Variants in SLC4A1AP observed in about 807,000 individuals in gnomAD.
SLC4A1AP encodes the protein kanadaptin.
Under a neutral mutation model 89.7 loss-of-function variants are expected in SLC4A1AP, and 64 were observed. The ratio of observed to expected loss-of-function variants is 0.71; its 90% confidence interval spans 0.58 to 0.88. The LOEUF (loss-of-function observed/expected upper bound fraction) is 0.88. SLC4A1AP is among the 40% of genes least tolerant of loss of function. The pLI, the probability that SLC4A1AP is intolerant of heterozygous loss-of-function variation, is 0.00. For missense variants in SLC4A1AP, 931 were observed against 965.0 expected, an observed-to-expected ratio of 0.96 and a Z score of 0.47; for synonymous variants, 366 against 353.3, an observed-to-expected ratio of 1.04 and a Z score of -0.40.
exon 12 of SLC4A1AP, chr2:27,688,759 C>T (rs1288354386): frequency 6.2e-7 from 1 of 1,602,428 alleles, no homozygotes; most frequent in African/African-American, 1.3e-5. Context: ...AACACCTGGT[C>T]CAGGCAAAGT....
Position 27,668,892 on chromosome 2 carries a change from C to G in SLC4A1AP, c.1194C>G (p.Leu398=), listed in dbSNP as rs745919590. Residue 398 remains leucine, a synonymous_variant, in exon 4 of 14, where the codon CTC becomes CTG. Transcript: ENST00000613058. ...ATGAACAGGGACATAGCACTTGGCT[C>G]TGCAGGGTGAGGTATGCTCTTTTCT... The G allele has an allele frequency of 9.6e-5, 155 of 1,613,908 alleles. No homozygotes were observed. The Admixed American group carries it at 2.6e-3, about 27-fold the overall frequency.
intron 10 of SLC4A1AP, among the ~76,000 whole-genome samples, chr2:27,687,465 C>T (rs1376060128): frequency 6.6e-6 from 1 of 152,070 alleles, no homozygotes; most frequent in Admixed American, 6.6e-5. Flanking sequence ...GTGGTACATG[C>T]CTGTAGTCCT....
chr2:27,694,672 T>C (rs1675844064), exon 14 of SLC4A1AP: 1 of 1,581,772 alleles, frequency 6.3e-7, no homozygotes, highest in Non-Finnish European at 8.6e-7. Flanking sequence ...TAATGACAAG[T>C]ATGGCTATTG....
At chr2:27,672,477 T>C (rs1675440437) in intron 5 of SLC4A1AP, among the ~76,000 whole-genome samples, 1 of 152,178 alleles carries the variant, frequency 6.6e-6, no homozygotes, top group Non-Finnish European at 1.5e-5. Context: ...TTTTAATTTC[T>C]AAAAGTTCAT....
Position 27,678,271 on chromosome 2 carries a change from G to A in SLC4A1AP, c.1763+347G>A, listed in dbSNP as rs150659918. 3.8e-4 allele frequency among the ~76,000 whole-genome samples: 58 copies of A among 152,208 alleles called. No individual in the cohort carries two copies. In the East Asian group the frequency reaches 4.4e-3, roughly 12 times the overall value. On this transcript the variant is annotated intron_variant, in intron 8 of 13. Transcript: ENST00000613058. ...TATAAAAAGACCTCTGAGGCTGGGC[G>A]TAGTGGCTCATACCTGTAATCCTAG...
intron 5 of SLC4A1AP, among the ~76,000 whole-genome samples, chr2:27,670,024 T>C (rs1675396367): frequency 6.6e-6 from 1 of 152,168 alleles, no homozygotes; most frequent in Non-Finnish European, 1.5e-5. Flanking sequence ...CCACCATGCC[T>C]GGCTCATTTT....
chr2:27,694,297 A>T (rs1173178237), intron 13 of SLC4A1AP, among the ~76,000 whole-genome samples: 1 of 152,180 alleles, frequency 6.6e-6, no homozygotes, highest in Admixed American at 6.5e-5. Flanking sequence ...ATTGCATTCT[A>T]TAGAGATTGT....
exon 5 of SLC4A1AP, chr2:27,669,298 A>T (rs1355498558): frequency 6.2e-7 from 1 of 1,613,316 alleles, no homozygotes; most frequent in Non-Finnish European, 8.5e-7. Flanking sequence ...GAGGCCATTC[A>T]CTCAGGAAAG....
rs371307840 is a variant in SLC4A1AP at position 27,664,510 on chromosome 2, C to G, written c.758C>G (p.Thr253Ser). Residue 253 changes from threonine to serine, a missense_variant, in exon 1 of 14, where the codon ACC becomes AGC. By Grantham distance (58) the Thr-to-Ser change is moderately conservative. Coordinates refer to ENST00000613058, the Ensembl canonical transcript of SLC4A1AP. ...AACAAAACTCGCATCCCACCTCGCA[C>G]CTACTGTCGAGTCCACGTTGGGCAT... 56 of 1,614,194 alleles carry G rather than the reference C, an allele frequency of 3.5e-5. 1 individual carries two copies. In the South Asian group the frequency reaches 6.0e-4, roughly 17 times the overall value.
At chr2:27,693,388 A>C in intron 12 of SLC4A1AP, 1 of 322,880 alleles carries the variant, frequency 3.1e-6, no homozygotes, top group Non-Finnish European at 5.6e-6. Context: ...TGTGAGTTTT[A>C]TGCTTTCAAG....
intron 9 of SLC4A1AP, among the ~76,000 whole-genome samples, chr2:27,684,470 C>T (rs1675672522): frequency 6.6e-6 from 1 of 151,194 alleles, no homozygotes; most frequent in Non-Finnish European, 1.5e-5. Context: ...TGCTTTGGTT[C>T]CTTCCCTCTA....
At chr2:27,690,301 C>T (rs940327841) in intron 12 of SLC4A1AP, among the ~76,000 whole-genome samples, 2 of 151,972 alleles carry the variant, frequency 1.3e-5, no homozygotes, top group African/African-American at 4.8e-5. Context: ...TTCCTCATCC[C>T]CTTCCCAGCC....
At chr2:27,667,657 T>G (rs919060409) in intron 3 of SLC4A1AP, among the ~76,000 whole-genome samples, 1 of 152,168 alleles carries the variant, frequency 6.6e-6, no homozygotes, top group Non-Finnish European at 1.5e-5. Flanking sequence ...ACTCATCTCA[T>G]TCTTCTCAAA....
intron 5 of SLC4A1AP, among the ~76,000 whole-genome samples, chr2:27,669,670 T>G (rs1572989506): frequency 6.6e-6 from 1 of 152,120 alleles, no homozygotes; most frequent in East Asian, 1.9e-4. Context: ...TTTTTTAACA[T>G]AAGAATGTAT....
intron 5 of SLC4A1AP, among the ~76,000 whole-genome samples, chr2:27,673,554 C>T (rs904623489): frequency 6.6e-6 from 1 of 151,506 alleles, no homozygotes; most frequent in Non-Finnish European, 1.5e-5. Flanking sequence ...GCATCAACTT[C>T]CGGGGCTCAA....
At chr2:27,669,106 C>T in intron 4 of SLC4A1AP, 142 bp from the exon 5 acceptor site, 1 of 1,073,840 alleles carries the variant, frequency 9.3e-7, no homozygotes, top group Non-Finnish European at 1.4e-6. Flanking sequence ...ATTTTAAATC[C>T]AACATTGGAA....
At chr2:27,670,891 AAAC>A (rs1178259361) in intron 5 of SLC4A1AP, among the ~76,000 whole-genome samples, 5 of 151,474 alleles carry the variant, frequency 3.3e-5, no homozygotes, top group Non-Finnish European at 5.9e-5. Context: ...ATTTAAAAAA[AAAC>A]AACAAACACC....
In SLC4A1AP at chr2:27,682,362, A is replaced by G. The variant is rs771837408; in HGVS notation, c.1875+3A>G. On this transcript the variant is annotated splice_donor_region_variant and intron_variant, in intron 9 of 13. Coordinates refer to ENST00000613058, the Ensembl canonical transcript of SLC4A1AP. ...AATTAAAAACTGGAACAGTAGGGGT[A>G]AGTTGTGAGTCAGGGTGTTAAACTT... 4 of 1,577,702 alleles carry G rather than the reference A, an allele frequency of 2.5e-6. No homozygotes were observed. The highest frequency in any genetic ancestry group is 2.2e-5 in the East Asian group (1 of 44,684).
At chr2:27,667,366 C>T (rs1181026290) in exon 3 of SLC4A1AP, 3 of 1,613,098 alleles carry the variant, frequency 1.9e-6, no homozygotes, top group South Asian at 1.1e-5. Flanking sequence ...CAAAAAGGCT[C>T]TCCAAGGCTT....
Sources: allele counts gnomAD v4.1 joint callset (sites outside exome capture counted in the v4.1 genomes callset), GRCh38; gene constraint gnomAD v4.1.1; transcripts MANE v1.5; gene names NCBI Gene and HGNC (gene_info 2026-07-23, HGNC 2026-07-21).